The following SLC22A24 variants were observed in gnomAD, a reference collection of about 807,000 sequenced individuals.
SLC22A24 encodes the protein solute carrier family 22 member 24.
Under a neutral mutation model 49.8 loss-of-function variants are expected in SLC22A24, and 53 were observed. That is an observed-to-expected ratio of 1.06 (90% CI 0.85 to 1.34). The LOEUF (loss-of-function observed/expected upper bound fraction) is 1.34. SLC22A24 is among the 40% of genes most tolerant of loss of function. The probability of loss-of-function intolerance (pLI) is 0.00; values close to 1 mark genes in which losing one functional copy is unlikely to be tolerated. For synonymous variants in SLC22A24, 302 were observed against 256.4 expected, an observed-to-expected ratio of 1.18 and a Z score of -1.70; for missense variants, 786 against 675.9, an observed-to-expected ratio of 1.16 and a Z score of -1.81.
intron 1 of SLC22A24, among the ~76,000 whole-genome samples, chr11:63,142,599 G>A (rs2087422194): frequency 6.6e-6 from 1 of 152,182 alleles, no homozygotes; most frequent in Admixed American, 6.5e-5. Flanking sequence ...TAGTCACACA[G>A]CTGGAGGCTA....
intron 4 of SLC22A24, among the ~76,000 whole-genome samples, chr11:63,108,492 G>A (rs1314714879): frequency 6.6e-6 from 1 of 152,098 alleles, no homozygotes; most frequent in Non-Finnish European, 1.5e-5. Context: ...TTTTATAATA[G>A]TTTCGGAAGG....
intron 4 of SLC22A24, among the ~76,000 whole-genome samples, chr11:63,114,226 C>T (rs1193639110): frequency 6.6e-6 from 1 of 152,212 alleles, no homozygotes; most frequent in Non-Finnish European, 1.5e-5. Flanking sequence ...TTTGTCTTTT[C>T]ACATAGTCCC....
intron 7 of SLC22A24, among the ~76,000 whole-genome samples, chr11:63,082,970 T>C (rs1488160880): frequency 6.6e-6 from 1 of 152,182 alleles, no homozygotes; most frequent in East Asian, 1.9e-4. Flanking sequence ...AAGAAACCAT[T>C]AGGTGTAATT....
rs374418247 is a variant in SLC22A24 at position 63,121,327 on chromosome 11, A to C, written c.507-1992T>G. Among the ~76,000 whole-genome samples the C allele has an allele frequency of 5.1e-4, 77 of 152,300 alleles. 1 individual carries two copies. The South Asian group carries it at 7.2e-3, about 14-fold the overall frequency. ...GCCTATTAGTAAAAAAAATTCTCAT[A>C]GTAAAGAAACACATATCGAGATGTT... On this transcript the variant is annotated intron_variant, in intron 2 of 9. Coordinates refer to ENST00000612278, the MANE Select transcript of SLC22A24 (RefSeq NM_001136506.2).
chr11:63,143,130 T>C (rs559943092), intron 1 of SLC22A24, among the ~76,000 whole-genome samples: 2 of 152,338 alleles, frequency 1.3e-5, no homozygotes, highest in East Asian at 3.9e-4. Context: ...TGTTTGAGCC[T>C]AGTTATAATG....
chr11:63,115,757 A>AT (rs35701491), intron 4 of SLC22A24: 110,725 of 158,100 alleles, frequency 0.7, 40,009 homozygotes, highest in East Asian at 0.88. Context: ...CTGCTGACAG[A>AT]TTTTTTTTTT....
intron 1 of SLC22A24, among the ~76,000 whole-genome samples, chr11:63,139,722 A>T (rs181038700): frequency 1.4e-3 from 207 of 152,294 alleles, no homozygotes; most frequent in African/African-American, 4.9e-3. Flanking sequence ...CCGATCCAGG[A>T]TCCAGTATAA....
At chr11:63,111,212 G>T (rs1310855777) in intron 4 of SLC22A24, among the ~76,000 whole-genome samples, 8 of 151,814 alleles carry the variant, frequency 5.3e-5, no homozygotes, top group Non-Finnish European at 1.2e-4. Flanking sequence ...CTTGATCATG[G>T]TGGATAAGCT....
At chr11:63,092,876 C>T (rs1251243225) in intron 6 of SLC22A24, among the ~76,000 whole-genome samples, 1 of 151,946 alleles carries the variant, frequency 6.6e-6, no homozygotes, top group Non-Finnish European at 1.5e-5. Flanking sequence ...TTCTGCACAG[C>T]AAAATAAACT....
chr11:63,089,732 G>A (rs940148495), intron 6 of SLC22A24, among the ~76,000 whole-genome samples: 5 of 152,096 alleles, frequency 3.3e-5, no homozygotes, highest in Admixed American at 2.6e-4. Flanking sequence ...AAAAAAGCAG[G>A]AGTTGCAATC....
chr11:63,119,401 C>T, intron 2 of SLC22A24, 66 bp from the exon 3 acceptor site: 1 of 1,370,100 alleles, frequency 7.3e-7, no homozygotes, highest in Non-Finnish European at 9.8e-7. Flanking sequence ...ACTTGACAAA[C>T]AATGGCGCAT....
chr11:63,117,254 ATTGT>A (rs2087218540), intron 4 of SLC22A24, among the ~76,000 whole-genome samples: 1 of 152,056 alleles, frequency 6.6e-6, no homozygotes, highest in Non-Finnish European at 1.5e-5. Context: ...TGTTGTAGTG[ATTGT>A]TTGTTTGGTT....
chr11:63,105,913 A>G lies in SLC22A24; in HGVS notation c.831-1615T>C, dbSNP rs545213507. 2.1e-5 allele frequency among the ~76,000 whole-genome samples: 3 copies of G among 142,694 alleles called. No individual in the cohort carries two copies. The South Asian group carries it at 6.9e-4, about 33-fold the overall frequency. 93.6% of individuals were successfully genotyped at this position (142,694 alleles called of 152,430 possible). ...ATTTATGCACTGTTGCCCTTTTAAA[A>G]CTGAATTTTTTTCTTTTAAATTTTA... On this transcript the variant is annotated intron_variant, in intron 4 of 9. Transcript: ENST00000612278.
intron 4 of SLC22A24, among the ~76,000 whole-genome samples, chr11:63,106,361 T>A (rs1283801687): frequency 6.6e-6 from 1 of 152,282 alleles, no homozygotes; most frequent in East Asian, 1.9e-4. Flanking sequence ...GCTCCAAGTC[T>A]TTGCTATTGT....
intron 6 of SLC22A24, among the ~76,000 whole-genome samples, chr11:63,085,209 A>G (rs1466486770): frequency 1.3e-5 from 2 of 152,140 alleles, no homozygotes; most frequent in Non-Finnish European, 2.9e-5. Context: ...TAAATTTTAT[A>G]ATTATGAAAG....
intron 4 of SLC22A24, among the ~76,000 whole-genome samples, chr11:63,113,889 C>T (rs915255294): frequency 6.0e-5 from 9 of 150,972 alleles, no homozygotes; most frequent in African/African-American, 1.7e-4. Context: ...TGAATATGGG[C>T]CCCCTCTCTC....
intron 2 of SLC22A24, among the ~76,000 whole-genome samples, chr11:63,131,156 G>T (rs149917013): frequency 6.6e-6 from 1 of 151,950 alleles, no homozygotes; most frequent in Non-Finnish European, 1.5e-5. Flanking sequence ...TGTATTTTGA[G>T]CCTATACACG....
intron 2 of SLC22A24, among the ~76,000 whole-genome samples, chr11:63,133,491 A>T (rs2134680399): frequency 6.6e-6 from 1 of 152,306 alleles, no homozygotes; most frequent in African/African-American, 2.4e-5. Context: ...GTCAGATGAC[A>T]TTGAGCATCT....
intron 2 of SLC22A24, among the ~76,000 whole-genome samples, chr11:63,120,068 G>T (rs981132674): frequency 6.6e-6 from 1 of 150,982 alleles, no homozygotes; most frequent in Non-Finnish European, 1.5e-5. Context: ...CGATTTTGTA[G>T]GTTGCCTGTT....
Sources: gnomAD v4.1 joint callset for allele counts (sites outside exome capture counted in the v4.1 genomes callset) on GRCh38, gnomAD v4.1.1 for gene constraint, MANE v1.5 for transcripts, NCBI Gene and HGNC (gene_info 2026-07-23, HGNC 2026-07-21) for gene names.